The following TRIM38 variants were observed in gnomAD, a reference collection of about 807,000 sequenced individuals.
TRIM38 encodes tripartite motif containing 38.
TRIM38 carries 35 observed loss-of-function variants against 35.8 expected under a neutral mutation model. That is an observed-to-expected ratio of 0.98 (90% CI 0.75 to 1.30). The LOEUF is 1.30. Among genes scored for constraint, TRIM38 ranks in the 50% most tolerant of loss-of-function variants. The probability of loss-of-function intolerance (pLI) is 0.00; values close to 1 mark genes in which losing one functional copy is unlikely to be tolerated. For synonymous variants in TRIM38, 198 were observed against 204.7 expected, an observed-to-expected ratio of 0.97 and a Z score of 0.28; for missense variants, 545 against 556.9, an observed-to-expected ratio of 0.98 and a Z score of 0.21.
At chr6:25,974,575 T>TCCACA (rs1760336066) in intron 7 of TRIM38, among the ~76,000 whole-genome samples, 1 of 152,206 alleles carries the variant, frequency 6.6e-6, no homozygotes, top group African/African-American at 2.4e-5. Context: ...AGGCCACCCT[T>TCCACA]GAGTCTGTCT....
chr6:25,978,689 C>G (rs1317368820), intron 7 of TRIM38, among the ~76,000 whole-genome samples: 3 of 151,740 alleles, frequency 2.0e-5, no homozygotes, highest in Non-Finnish European at 4.4e-5. Flanking sequence ...TTTTTTGAGA[C>G]AGGGTCTCCC....
chr6:25,982,913 C>T (rs1480183989), intron 7 of TRIM38, among the ~76,000 whole-genome samples: 1 of 152,024 alleles, frequency 6.6e-6, no homozygotes, highest in East Asian at 1.9e-4. Context: ...ATGGCGAAAC[C>T]CCATCTCTAC....
At chr6:25,977,656 G>A (rs1249991342) in intron 7 of TRIM38, among the ~76,000 whole-genome samples, 2 of 142,652 alleles carry the variant, frequency 1.4e-5, no homozygotes, top group African/African-American at 5.2e-5. Context: ...GACAGAGTAA[G>A]ACTCCATCTC....
At chr6:25,976,517 C>T (rs144601615) in intron 7 of TRIM38, among the ~76,000 whole-genome samples, 286 of 152,314 alleles carry the variant, frequency 1.9e-3, no homozygotes, top group African/African-American at 6.6e-3. Flanking sequence ...GCAGTCCTCT[C>T]GCCTCGGCCT....
At chr6:25,979,694 A>G (rs1581608279) in intron 7 of TRIM38, among the ~76,000 whole-genome samples, 1 of 149,702 alleles carries the variant, frequency 6.7e-6, no homozygotes, top group Non-Finnish European at 1.5e-5. Flanking sequence ...CTTTAACTTC[A>G]CTGTTATATT....
In TRIM38 at chr6:25,986,049, A is replaced by T. The variant is rs548269638; in HGVS notation, c.*2362A>T. ...AGTCCTGCTAGATAAATCATTAGCT[A>T]TTTTAATAAAGAATACAGAAGAAAA... On this transcript the variant is annotated 3_prime_UTR_variant, in exon 8 of 8. Transcript: ENST00000357085. 1 of 152,336 alleles carries T rather than the reference A, an allele frequency of 6.6e-6. No individual in the cohort carries two copies. Among genetic ancestry groups the T allele is most frequent in the African/African-American group, 2.4e-5 (1 of 41,590 alleles). The allele number at this position is 152,336 out of a possible 1,614,324, so 9.4% of individuals were successfully genotyped here. A position where few individuals can be genotyped will look rare whatever the true frequency, so the allele number is the denominator to read the frequency against.
At chr6:25,967,641 A>G (rs1055901955) in intron 3 of TRIM38, among the ~76,000 whole-genome samples, 2 of 147,394 alleles carry the variant, frequency 1.4e-5, no homozygotes, top group African/African-American at 5.1e-5. Context: ...GGCTCAAGCA[A>G]TCCTCCCACC....
rs531419358 is a variant in TRIM38, at chr6:25,964,636, A to G, written c.-189+1354A>G. On this transcript the variant is annotated intron_variant, in intron 2 of 7. Coordinates refer to ENST00000357085, the MANE Select transcript of TRIM38 (RefSeq NM_006355.5). ...TGACTGGTCTTTATGTAGATAGGGG[A>G]AAAGTCTCTTCCAGCATCTGCTGAT... 6.6e-5 allele frequency among the ~76,000 whole-genome samples: 10 copies of G among 152,220 alleles called. No individual in the cohort carries two copies. The South Asian group carries it at 2.1e-3, about 32-fold the overall frequency.
chr6:25,982,751 A>C (rs1760583194), intron 7 of TRIM38, among the ~76,000 whole-genome samples: 1 of 152,228 alleles, frequency 6.6e-6, no homozygotes, highest in Admixed American at 6.5e-5. Context: ...CCCAGTTTAT[A>C]AGAAACAATA....
At position 25,966,712 on chromosome 6, in the gene TRIM38, G is replaced by T. The variant is rs746614667; in HGVS notation, c.190G>T (p.Ala64Ser). ...GACATTCTGCTGTCCCCAGTGTCGG[G>T]CTCCATTTCATATGGATAGCCTCCG... Reference protein sequence around the residue: ...QETFCCPQCRAPFHMDSLRPN... With the variant: ...QETFCCPQCRSPFHMDSLRPN... Residue 64 changes from alanine (A) to serine (S), a missense_variant, in exon 3 of 8, where the codon GCT (alanine) becomes TCT (serine). Physicochemically the swap from Ala to Ser is moderately conservative, Grantham distance 99. Transcript: ENST00000357085. 4 of 1,614,046 alleles carry T rather than the reference G, an allele frequency of 2.5e-6. No homozygotes were observed. The highest frequency in any genetic ancestry group is 3.4e-6 in the Non-Finnish European group (4 of 1,180,034).
At chr6:25,978,200 T>C (rs763810951) in intron 7 of TRIM38, among the ~76,000 whole-genome samples, 28 of 151,988 alleles carry the variant, frequency 1.8e-4, no homozygotes, top group Non-Finnish European at 3.7e-4. Flanking sequence ...AGTGGTGCAG[T>C]AGTGCGATTA....
At position 25,983,210 on chromosome 6, in the gene TRIM38, C is replaced by T. The variant is rs777332388; in HGVS notation, c.921C>T (p.Leu307=). ...ATACAGCTCATCACGAACTAATTCT[C>T]TCTGAGGATCGGAGACAAGTGACTC... ...DPDTAHHELI[L]SEDRRQVTRG... is the part of the protein sequence containing the mutation. The change falls in exon 8 of 8, where the codon CTC becomes CTT. Residue 307 remains leucine (L), a synonymous_variant. Transcript: ENST00000357085. The T allele has an allele frequency of 1.2e-6, 2 of 1,612,350 alleles. No homozygotes were observed. The highest frequency in any genetic ancestry group is 8.5e-7 in the Non-Finnish European group (1 of 1,179,148).
intron 4 of TRIM38, 69 bp from the exon 5 acceptor site, chr6:25,971,800 T>A (rs1377606838): frequency 4.5e-6 from 6 of 1,340,812 alleles, no homozygotes; most frequent in Non-Finnish European, 6.4e-6. Flanking sequence ...TTCATTCTTG[T>A]TTATCCATTC....
chr6:25,969,324 GGAAAAGCTCCA>G lies in TRIM38; in HGVS notation c.416_426del (p.Lys139SerfsTer9). 1 of 1,611,690 alleles carries G rather than the reference GGAAAAGCTCCA, an allele frequency of 6.2e-7. No homozygotes were observed. The highest frequency in any genetic ancestry group is 2.2e-5 in the East Asian group (1 of 44,836). Reference sequence around the variant, plus strand: ...CTTCACTTATCAAATTTTTCCTTCAGGAAAAGCTCCAGAAAGCTGTGACAAAACTGAAGCAA... The same window carrying G: ...CTTCACTTATCAAATTTTTCCTTCAGGAAAGCTGTGACAAAACTGAAGCAA... On this transcript the variant is annotated frameshift_variant and splice_region_variant, in exon 4 of 8. Transcript: ENST00000357085. LOFTEE classifies it high-confidence loss of function.
chr6:25,974,984 G>T, intron 7 of TRIM38: 1 of 984,296 alleles, frequency 1.0e-6, no homozygotes, highest in Non-Finnish European at 1.2e-6. Context: ...ATCTTTTACA[G>T]AAGGAATCAT....
intron 2 of TRIM38, 135 bp from the exon 3 acceptor site, chr6:25,966,189 ACTTTAAAACTG>A (rs777491737): frequency 1.3e-5 from 3 of 223,952 alleles, no homozygotes; most frequent in East Asian, 9.6e-5. Context: ...TTGGCAAACA[ACTTTAAAACTG>A]CTTTAAAACT....
chr6:25,971,318 T>A (rs1760219107), intron 4 of TRIM38, among the ~76,000 whole-genome samples: 1 of 152,174 alleles, frequency 6.6e-6, no homozygotes, highest in Admixed American at 6.5e-5. Context: ...CTTCCACATC[T>A]GAGTGCCTGC....
In TRIM38 at chr6:25,972,071, G is replaced by A. The variant is rs1004003288; in HGVS notation, c.710G>A (p.Cys237Tyr). The change falls in exon 5 of 8, where the codon TGT becomes TAT. Residue 237 changes from cysteine (C) to tyrosine (Y), a missense_variant. Coordinates refer to ENST00000357085, the MANE Select transcript of TRIM38 (RefSeq NM_006355.5). ...KSHILELEEK[C>Y]QGSAQKLLQN... ...CACATCCTGGAACTGGAGGAAAAAT[G>A]TCAGGGCTCAGCCCAGAAATTGCTG... The A allele has an allele frequency of 1.7e-5, 28 of 1,614,052 alleles. No homozygotes were observed. Among genetic ancestry groups the A allele is most frequent in the Middle Eastern group, 1.6e-4 (1 of 6,084 alleles).
intron 7 of TRIM38, among the ~76,000 whole-genome samples, chr6:25,978,676 T>C (rs1453492165): frequency 2.0e-5 from 3 of 151,210 alleles, no homozygotes; most frequent in Non-Finnish European, 4.4e-5. Flanking sequence ...AATTTTTTAA[T>C]TTTTTTTTGA....
Sources: allele counts gnomAD v4.1 joint callset (sites outside exome capture counted in the v4.1 genomes callset), GRCh38; gene constraint gnomAD v4.1.1; transcripts MANE v1.5; gene names NCBI Gene and HGNC (gene_info 2026-07-23, HGNC 2026-07-21).